The following TENM2 variants were observed in gnomAD, a reference collection of about 807,000 sequenced individuals.
The protein encoded by TENM2 is teneurin-2.
Under a neutral mutation model 245.2 loss-of-function variants are expected in TENM2, and 52 were observed. The ratio of observed to expected loss-of-function variants is 0.21; its 90% CI spans 0.17 to 0.27. The LOEUF (loss-of-function observed/expected upper bound fraction) is 0.27. Among genes scored for constraint, TENM2 ranks in the 10% least tolerant of loss-of-function variants. The pLI is 1.00. For synonymous variants in TENM2, 1,363 were observed against 1,438.9 expected (o/e 0.95, Z 1.19); for missense variants, 3,046 against 3,666.8 (o/e 0.83, Z 4.37).
At chr5:167,084,366 T>TATATATATATATACAC in the TENM2 span, among the ~76,000 whole-genome samples, 280 of 114,854 alleles carry the variant, frequency 2.4e-3, 17 homozygotes, top group Non-Finnish European at 4.6e-3. Context: ...TATATATATA[T>TATATATATATATACAC]ACAGATCAGA....
intron 2 of TENM2, among the ~76,000 whole-genome samples, chr5:167,824,965 C>T (rs1261234954): frequency 6.6e-6 from 1 of 152,222 alleles, no homozygotes; most frequent in Non-Finnish European, 1.5e-5. Context: ...CACCCTACCA[C>T]TAACTTGCTT....
chr5:167,440,233 A>G (rs766546995), intron 2 of TENM2, among the ~76,000 whole-genome samples: 4 of 152,364 alleles, frequency 2.6e-5, no homozygotes, highest in African/African-American at 2.4e-5. Flanking sequence ...TAATGAAAAT[A>G]AATGTTTTTT....
chr5:167,966,081 C>T (rs937819836), intron 4 of TENM2, among the ~76,000 whole-genome samples: 1 of 152,170 alleles, frequency 6.6e-6, no homozygotes, highest in African/African-American at 2.4e-5. Flanking sequence ...ACTCATAAGC[C>T]AGGCCAGATG....
chr5:167,024,127 G>A, the TENM2 span, among the ~76,000 whole-genome samples: 1 of 152,260 alleles, frequency 6.6e-6, no homozygotes, highest in East Asian at 1.9e-4. Context: ...AAACTGACAA[G>A]CAATCAGGTT....
intron 2 of TENM2, among the ~76,000 whole-genome samples, chr5:167,588,362 C>G (rs186978064): frequency 2.6e-5 from 4 of 152,248 alleles, no homozygotes; most frequent in Admixed American, 6.5e-5. Context: ...TCACATTTCT[C>G]CTTAATTTGA....
intron 2 of TENM2, among the ~76,000 whole-genome samples, chr5:167,561,400 A>G (rs1407491262): frequency 6.6e-6 from 1 of 152,092 alleles, no homozygotes; most frequent in East Asian, 1.9e-4. Flanking sequence ...TATTAATTTC[A>G]CTCCATTCTG....
intron 26 of TENM2, 151 bp from the exon 29 acceptor site, chr5:168,246,606 C>A: frequency 1.2e-6 from 1 of 813,570 alleles, no homozygotes; most frequent in Non-Finnish European, 2.0e-6. Context: ...TTGGCATGTC[C>A]AGTGAAATAA....
Position 167,811,340 on chromosome 5 carries a change from C to T in TENM2, c.503-64646C>T, listed in dbSNP as rs367553173. ...TGCTGTCCTTGCAATAGTGAGTTCT[C>T]ATGAGATCTGGTTGTTTAAGTGTGT... On this transcript the variant is annotated intron_variant, in intron 2 of 28. Transcript: ENST00000518659. 9.9e-4 allele frequency among the ~76,000 whole-genome samples: 151 copies of T among 152,112 alleles called. 3 individuals carry two copies. In the South Asian group the frequency reaches 0.03, roughly 31 times the overall value.
intron 2 of TENM2, among the ~76,000 whole-genome samples, chr5:167,467,809 T>A (rs1561981098): frequency 6.6e-6 from 1 of 152,226 alleles, no homozygotes; most frequent in Non-Finnish European, 1.5e-5. Flanking sequence ...ATATAACATT[T>A]AGGTATGTAT....
chr5:167,970,101 G>C (rs141620775), intron 4 of TENM2, among the ~76,000 whole-genome samples: 1 of 152,218 alleles, frequency 6.6e-6, no homozygotes, highest in African/African-American at 2.4e-5. Context: ...ACACAGTCCC[G>C]GCCAGGGTGG....
chr5:168,034,759 G>A (rs1467985097), intron 5 of TENM2, among the ~76,000 whole-genome samples: 1 of 151,998 alleles, frequency 6.6e-6, no homozygotes, highest in Non-Finnish European at 1.5e-5. Context: ...ATGACAGAGG[G>A]AGACCCTATC....
the TENM2 span, among the ~76,000 whole-genome samples, chr5:167,028,558 T>C: frequency 1.3e-5 from 2 of 152,096 alleles, no homozygotes; most frequent in African/African-American, 4.8e-5. Context: ...CAAATTTCTT[T>C]TGTGAATTTT....
In TENM2 at chr5:167,342,507, C is replaced by CTTTTTTTT. The variant is rs35451881; in HGVS notation, c.227-32667_227-32660dup. Among the ~76,000 whole-genome samples, 106 of 54,298 alleles carry CTTTTTTTT rather than the reference C, an allele frequency of 2.0e-3. 12 individuals are homozygous for CTTTTTTTT. The highest frequency in any genetic ancestry group is 2.3e-3 in the Non-Finnish European group (70 of 31,032). 35.6% of individuals were successfully genotyped at this position (54,298 alleles called of 152,430 possible). ...CAGGTTTCTCAACTGTAAAGTTATT[C>CTTTTTTTT]TTTTTTTTTTTTTTTTTTTTTTTTT... On this transcript the variant is annotated intron_variant, in intron 1 of 28. Coordinates refer to ENST00000518659, the Ensembl canonical transcript of TENM2.
chr5:167,253,697 A>T, the TENM2 span, among the ~76,000 whole-genome samples: 1 of 152,138 alleles, frequency 6.6e-6, no homozygotes, highest in Admixed American at 6.6e-5. Context: ...TGATTAATTT[A>T]TTAAAAATCA....
intron 2 of TENM2, among the ~76,000 whole-genome samples, chr5:167,567,852 A>G (rs765104241): frequency 6.6e-6 from 1 of 152,146 alleles, no homozygotes; most frequent in African/African-American, 2.4e-5. Context: ...GCTCTTTCAC[A>G]TAATTTCCGA....
intron 2 of TENM2, among the ~76,000 whole-genome samples, chr5:167,466,712 G>A (rs1766676045): frequency 1.3e-5 from 2 of 152,098 alleles, no homozygotes; most frequent in Non-Finnish European, 2.9e-5. Context: ...TTTCCAAAGT[G>A]TATCTTTAAC....
intron 5 of TENM2, among the ~76,000 whole-genome samples, chr5:168,033,408 A>G (rs939107189): frequency 2.0e-5 from 3 of 151,948 alleles, no homozygotes; most frequent in Non-Finnish European, 4.4e-5. Context: ...TCTAAGTCTC[A>G]GTTTTCTTAT....
intron 19 of TENM2, among the ~76,000 whole-genome samples, chr5:168,207,968 C>T (rs1344258195): frequency 3.3e-5 from 5 of 152,218 alleles, no homozygotes; most frequent in Non-Finnish European, 7.3e-5. Flanking sequence ...CATTTCCATA[C>T]TCCTGTCCCA....
chr5:167,649,498 A>G (rs1296436583), intron 2 of TENM2, among the ~76,000 whole-genome samples: 1 of 152,136 alleles, frequency 6.6e-6, no homozygotes, highest in African/African-American at 2.4e-5. Context: ...CAAAGAGATA[A>G]TTTTCAGTGC....
Sources: allele counts gnomAD v4.1 joint callset (sites outside exome capture counted in the v4.1 genomes callset), GRCh38; gene constraint gnomAD v4.1.1; transcripts MANE v1.5; gene names NCBI Gene and HGNC (gene_info 2026-07-23, HGNC 2026-07-21).